BICD1: variants seen among roughly 807,000 people sequenced by gnomAD.
The protein encoded by BICD1 is protein bicaudal D homolog 1.
BICD1 carries 35 observed loss-of-function variants against 92.5 expected under a neutral mutation model. The observed-to-expected ratio is 0.38, with a 90% CI of 0.29 to 0.50. BICD1 has a LOEUF of 0.50. Among genes scored for constraint, BICD1 ranks in the 20% least tolerant of loss-of-function variants. The pLI is 0.93. For synonymous variants in BICD1, 429 were observed against 465.1 expected (o/e 0.92, Z 1.00); for missense variants, 950 against 1,189.8 (o/e 0.80, Z 2.97).
chr12:32,203,430 T>G (rs766353975), intron 1 of BICD1, among the ~76,000 whole-genome samples: 5 of 152,164 alleles, frequency 3.3e-5, no homozygotes, highest in Non-Finnish European at 7.3e-5. Context: ...GTGCCATACA[T>G]ATGTGTGGCA....
chr12:32,359,284 G>A (rs914796427), intron 8 of BICD1, among the ~76,000 whole-genome samples: 2 of 152,058 alleles, frequency 1.3e-5, no homozygotes, highest in Non-Finnish European at 2.9e-5. Context: ...TCCATTTTCT[G>A]TTCCTTATAA....
At chr12:32,228,606 G>A (rs962710445) in intron 2 of BICD1, among the ~76,000 whole-genome samples, 2 of 152,172 alleles carry the variant, frequency 1.3e-5, no homozygotes, top group African/African-American at 4.8e-5. Context: ...CAAAAATGGT[G>A]GATTGGACCA....
At chr12:32,165,977 T>C (rs1365710329) in intron 1 of BICD1, among the ~76,000 whole-genome samples, 1 of 152,060 alleles carries the variant, frequency 6.6e-6, no homozygotes, top group African/African-American at 2.4e-5. Context: ...AAAAGGCCTA[T>C]CTCAGTGAAC....
intron 8 of BICD1, among the ~76,000 whole-genome samples, chr12:32,365,832 C>T (rs1378569801): frequency 6.6e-6 from 1 of 152,116 alleles, no homozygotes; most frequent in East Asian, 1.9e-4. Context: ...TGAGTTTCTA[C>T]AAAAGGGAAT....
In BICD1 at chr12:32,115,897, A is replaced by G. The variant is rs550390161; in HGVS notation, c.213+8353A>G. On this transcript the variant is annotated intron_variant, in intron 1 of 9. Coordinates refer to ENST00000652176, the MANE Select transcript of BICD1 (RefSeq NM_001714.4). ...CCTGTCCATTCTGGGTCTTGGTGGC[A>G]AGCCAGGATGATTCAGGCAGTTGGG... is the stretch of plus-strand genomic sequence containing the variant. Among the ~76,000 whole-genome samples, 14 of 152,284 alleles carry G rather than the reference A, an allele frequency of 9.2e-5. No individual in the cohort carries two copies. In the South Asian group the frequency reaches 2.9e-3, roughly 32 times the overall value.
rs527587092 is a variant in BICD1 at position 32,202,925 on chromosome 12, C to T, written c.214-13322C>T. ...CGCACCAGGCCCAAAGTTAAAATAA[C>T]TTAATGAATAAGGTTTGGATGATGT... On this transcript the variant is annotated intron_variant, in intron 1 of 9. Coordinates refer to ENST00000652176, the MANE Select transcript of BICD1 (RefSeq NM_001714.4). Among the ~76,000 whole-genome samples, 47 of 152,298 alleles carry T rather than the reference C, an allele frequency of 3.1e-4. No homozygotes were observed. The South Asian group carries it at 9.1e-3, about 30-fold the overall frequency.
intron 1 of BICD1, among the ~76,000 whole-genome samples, chr12:32,116,510 C>CTCTCTATATATATATATATA (rs1233964108): frequency 3.8e-5 from 4 of 104,412 alleles, no homozygotes; most frequent in Non-Finnish European, 5.7e-5. Flanking sequence ...CTCTCTCTCT[C>CTCTCTATATATATATATATA]TATATATATA....
At chr12:32,275,829 A>C (rs1379884511) in intron 2 of BICD1, among the ~76,000 whole-genome samples, 1 of 152,158 alleles carries the variant, frequency 6.6e-6, no homozygotes, top group African/African-American at 2.4e-5. Flanking sequence ...GGTTCGTCCT[A>C]ATCGAGCTGA....
chr12:32,194,168 CTA>C (rs1302794224), intron 1 of BICD1, among the ~76,000 whole-genome samples: 1 of 152,112 alleles, frequency 6.6e-6, no homozygotes, highest in Non-Finnish European at 1.5e-5. Flanking sequence ...TGATTAAAAA[CTA>C]TTAACAAATC....
At chr12:32,306,401 G>A (rs1310527763) in intron 4 of BICD1, among the ~76,000 whole-genome samples, 1 of 151,696 alleles carries the variant, frequency 6.6e-6, no homozygotes, top group Non-Finnish European at 1.5e-5. Flanking sequence ...CCGCCACCAT[G>A]CCCGGCTAAT....
chr12:32,327,422 GC>G (rs1250483628), intron 4 of BICD1, 38 bp from the exon 5 acceptor site: 1 of 1,564,722 alleles, frequency 6.4e-7, no homozygotes, highest in African/African-American at 1.3e-5. Context: ...CATTGGTGCT[GC>G]CTTGAGGTGA....
rs1274486518 is a variant in BICD1 at position 32,380,377 on chromosome 12, T to C, written c.*2750T>C. The C allele has an allele frequency of 6.6e-6, 1 of 152,116 alleles. No individual in the cohort carries two copies. Among genetic ancestry groups the C allele is most frequent in the Non-Finnish European group, 1.5e-5 (1 of 68,008 alleles). The allele number at this position is 152,116 out of a possible 1,614,324, so 9.4% of individuals were successfully genotyped here. ...AAAGAATGAACTCCAGTAAGACTAATTGAAGACATACTTGGAGAGGAAAAA... is the reference window on the plus strand; with the variant it reads ...AAAGAATGAACTCCAGTAAGACTAACTGAAGACATACTTGGAGAGGAAAAA... On this transcript the variant is annotated 3_prime_UTR_variant, in exon 10 of 10. Transcript: ENST00000652176.
intron 2 of BICD1, among the ~76,000 whole-genome samples, chr12:32,248,626 C>CT (rs1008681213): frequency 6.6e-6 from 1 of 152,130 alleles, no homozygotes; most frequent in South Asian, 2.1e-4. Flanking sequence ...TTTAAGAACT[C>CT]TAAGTTAGAA....
chr12:32,111,870 A>G (rs10844128), intron 1 of BICD1, among the ~76,000 whole-genome samples: 48,534 of 151,994 alleles, frequency 0.32, 7,826 homozygotes, highest in Middle Eastern at 0.37. Flanking sequence ...TTATCAAATT[A>G]ATCTTAAAAT....
chr12:32,315,653 T>A (rs1053690424), intron 4 of BICD1, among the ~76,000 whole-genome samples: 1 of 152,206 alleles, frequency 6.6e-6, no homozygotes, highest in Non-Finnish European at 1.5e-5. Context: ...CAATGCTTTA[T>A]AATTTTCAGA....
At position 32,377,494 on chromosome 12, in the gene BICD1, C is replaced by T. The variant is rs952810079; in HGVS notation, c.2841-46C>T. ...TCTAACCCCTACCATTGTGCCTGGC[C>T]CTTTGAAATGTGTTTCTTGCTGACG... On this transcript the variant is annotated intron_variant, in intron 9 of 9. Transcript: ENST00000652176. 5.4e-6 allele frequency: 8 copies of T among 1,485,620 alleles called. No individual in the cohort carries two copies. In the East Asian group the frequency reaches 1.8e-4, roughly 34 times the overall value. The allele number at this position is 1,485,620 out of a possible 1,614,324, so 92.0% of individuals were successfully genotyped here.
intron 2 of BICD1, among the ~76,000 whole-genome samples, chr12:32,245,678 A>G (rs919302349): frequency 6.6e-6 from 1 of 152,082 alleles, no homozygotes. Flanking sequence ...GAATTAAATG[A>G]GGTAATGCAA....
intron 1 of BICD1, among the ~76,000 whole-genome samples, chr12:32,132,555 G>A (rs1177406325): frequency 6.6e-6 from 1 of 152,116 alleles, no homozygotes; most frequent in Non-Finnish European, 1.5e-5. Flanking sequence ...AATGCGGGAC[G>A]GTTAGCATCC....
rs199522358 is a variant in BICD1, at chr12:32,107,273, C to A, written c.-59C>A. 5 of 1,438,780 alleles carry A rather than the reference C, an allele frequency of 3.5e-6. No individual in the cohort carries two copies. Among genetic ancestry groups the A allele is most frequent in the Non-Finnish European group, 4.7e-6 (5 of 1,053,030 alleles). 89.1% of individuals were successfully genotyped at this position (1,438,780 alleles called of 1,614,324 possible). A position where few individuals can be genotyped will look rare whatever the true frequency, so the allele number is the denominator to read the frequency against. On this transcript the variant is annotated 5_prime_UTR_variant, in exon 1 of 10. Transcript: ENST00000652176. Reference sequence around the variant, plus strand: ...CCCATTTCCTTCTCCCTTTCCCCGCCAGCTTCGCATCCATCTCCCCCACCC... The same window carrying A: ...CCCATTTCCTTCTCCCTTTCCCCGCAAGCTTCGCATCCATCTCCCCCACCC...
Sources: gnomAD v4.1 joint callset for allele counts (sites outside exome capture counted in the v4.1 genomes callset) on GRCh38, gnomAD v4.1.1 for gene constraint, MANE v1.5 for transcripts, NCBI Gene and HGNC (gene_info 2026-07-23, HGNC 2026-07-21) for gene names.